The following NFAT5 variants were observed in gnomAD, a reference collection of about 807,000 sequenced individuals.
NFAT5 encodes nuclear factor of activated T cells 5, also known as nuclear factor of activated T-cells 5.
In NFAT5, 31 loss-of-function variants were observed where a neutral mutation model predicts 166.5. That is an observed-to-expected ratio of 0.19 (90% confidence interval 0.14 to 0.25). The LOEUF (loss-of-function observed/expected upper bound fraction) is 0.25. NFAT5 is among the 10% of genes least tolerant of loss of function. The pLI, the probability that NFAT5 is intolerant of heterozygous loss-of-function variation, is 1.00. For missense variants in NFAT5, 1,449 were observed against 1,821.8 expected, an observed-to-expected ratio of 0.80 and a Z score of 3.72; for synonymous variants, 612 against 639.7, an observed-to-expected ratio of 0.96 and a Z score of 0.65.
At chr16:69,589,561 C>G (rs1368777534) in intron 2 of NFAT5, among the ~76,000 whole-genome samples, 2 of 151,990 alleles carry the variant, frequency 1.3e-5, no homozygotes, top group Admixed American at 6.6e-5. Flanking sequence ...GCAGTTAAAA[C>G]AGCTGGGAAT....
chr16:69,684,710 C>T (rs567205188), intron 10 of NFAT5, among the ~76,000 whole-genome samples, 177 bp from the exon 11 acceptor site: 2 of 152,192 alleles, frequency 1.3e-5, no homozygotes, highest in South Asian at 4.1e-4. Flanking sequence ...TGATCACATG[C>T]TCCGCCCACT....
At chr16:69,599,755 A>G (rs1414697279) in intron 2 of NFAT5, among the ~76,000 whole-genome samples, 1 of 152,160 alleles carries the variant, frequency 6.6e-6, no homozygotes, top group African/African-American at 2.4e-5. Flanking sequence ...AGGTGGAGGA[A>G]AGGCAAGTAC....
At chr16:69,653,551 G>T in intron 5 of NFAT5, 123 bp downstream of exon 5, 1 of 593,238 alleles carries the variant, frequency 1.7e-6, no homozygotes, top group South Asian at 3.3e-5. Flanking sequence ...ATTTGAATTA[G>T]ATTCATCCCA....
At position 69,647,440 on chromosome 16, in the gene NFAT5, A is replaced by G. The variant is rs1186884192; in HGVS notation, c.666A>G (p.Arg222=). The G allele has an allele frequency of 4.3e-6, 7 of 1,614,064 alleles. No individual in the cohort carries two copies. In the South Asian group the frequency reaches 5.5e-5, roughly 13 times the overall value. The change falls in exon 4 of 15, where the codon CGA becomes CGG. Residue 222 remains arginine, a synonymous_variant. Transcript: ENST00000349945. The surrounding 1 kb of genome is among the most constrained non-coding windows in gnomAD (Gnocchi z 4.8). ...NTEVPRKSRK[R]NPKQRPGVKR... ...AGGTACCTCGTAAATCACGAAAACGAAATCCAAAGCAGAGGCCGGGGGTCA... is the reference window on the plus strand; with the variant it reads ...AGGTACCTCGTAAATCACGAAAACGGAATCCAAAGCAGAGGCCGGGGGTCA...
chr16:69,649,177 C>T (rs1282592754), intron 4 of NFAT5: 3 of 946,952 alleles, frequency 3.2e-6, no homozygotes, highest in Middle Eastern at 5.4e-4. Context: ...CAGGTAAATA[C>T]TTAAGTAACT....
chr16:69,689,681 T>C (rs1435827489), intron 11 of NFAT5, among the ~76,000 whole-genome samples: 1 of 152,164 alleles, frequency 6.6e-6, no homozygotes, highest in Admixed American at 6.5e-5. Context: ...GTAGCTGGGA[T>C]TTACAGGCAT....
intron 11 of NFAT5, among the ~76,000 whole-genome samples, chr16:69,688,202 C>CAAAAAAAAAAAAAAAAAAAAAAAA (rs1188158260): frequency 1.0e-4 from 5 of 49,508 alleles, no homozygotes; most frequent in Non-Finnish European, 1.3e-4. Context: ...GACTCCGTCT[C>CAAAAAAAAAAAAAAAAAAAAAAAA]AAAAAAAAAA....
intron 9 of NFAT5, among the ~76,000 whole-genome samples, chr16:69,671,823 T>C (rs1330779820): frequency 6.6e-6 from 1 of 152,150 alleles, no homozygotes; most frequent in Non-Finnish European, 1.5e-5. Context: ...ATGATAACAA[T>C]ATGCAGAGAA....
chr16:69,568,530 A>C lies in NFAT5; in HGVS notation c.109A>C (p.Arg37=), dbSNP rs2016251091. 1 of 1,613,194 alleles carries C rather than the reference A, an allele frequency of 6.2e-7. No homozygotes were observed. Among genetic ancestry groups the C allele is most frequent in the African/African-American group, 1.3e-5 (1 of 74,888 alleles). ...GTTACACCCATCACAGAATTTTCATAGAGCTGGACTATTGGAAGGTCAGCA... is the reference window on the plus strand; with the variant it reads ...GTTACACCCATCACAGAATTTTCATCGAGCTGGACTATTGGAAGGTCAGCA... ...LKLHPSQNFH[R]AGLLEESVYD... The change falls in exon 2 of 15, where the codon AGA becomes CGA. Residue 37 remains arginine, a synonymous_variant. Transcript: ENST00000349945.
At chr16:69,576,885 A>G (rs1371507308) in intron 2 of NFAT5, among the ~76,000 whole-genome samples, 1 of 152,214 alleles carries the variant, frequency 6.6e-6, no homozygotes, top group Non-Finnish European at 1.5e-5. Context: ...AAGGGGAATT[A>G]CTTTAGAAAT....
At chr16:69,632,924 A>C (rs1268933796) in intron 3 of NFAT5, among the ~76,000 whole-genome samples, 1 of 152,216 alleles carries the variant, frequency 6.6e-6, no homozygotes, top group Non-Finnish European at 1.5e-5. Context: ...AAGCAGATTT[A>C]AAAATCTCTA....
rs555432260 is a variant in NFAT5, at chr16:69,571,849, T to C, written c.127+3301T>C. Among the ~76,000 whole-genome samples, 18 of 152,214 alleles carry C rather than the reference T, an allele frequency of 1.2e-4. No individual in the cohort carries two copies. In the South Asian group the frequency reaches 3.7e-3, roughly 32 times the overall value. ...ATCTCGGCTCACTGCAAGCTCCACC[T>C]CCTGGGTTCACGCCATTCTCCTGCC... On this transcript the variant is annotated intron_variant, in intron 2 of 14. Transcript: ENST00000349945.
At chr16:69,665,203 G>A (rs1470947117) in intron 7 of NFAT5, among the ~76,000 whole-genome samples, 4 of 151,940 alleles carry the variant, frequency 2.6e-5, no homozygotes, top group Non-Finnish European at 1.5e-5. Context: ...CAAACCCACA[G>A]CCAATATCAT....
At chr16:69,688,973 C>A (rs2037441578) in intron 11 of NFAT5, among the ~76,000 whole-genome samples, 1 of 152,186 alleles carries the variant, frequency 6.6e-6, no homozygotes, top group Non-Finnish European at 1.5e-5. Flanking sequence ...AGTTTTGTCT[C>A]AGTCAAAATT....
At chr16:69,613,686 C>A (rs917747312) in intron 2 of NFAT5, among the ~76,000 whole-genome samples, 1 of 152,188 alleles carries the variant, frequency 6.6e-6, no homozygotes, top group African/African-American at 2.4e-5. Flanking sequence ...TTCTCAGATC[C>A]TCCACAGATA....
intron 2 of NFAT5, among the ~76,000 whole-genome samples, chr16:69,611,003 T>C (rs1166755945): frequency 6.6e-6 from 1 of 152,196 alleles, no homozygotes; most frequent in Non-Finnish European, 1.5e-5. Context: ...TGTGTACCTA[T>C]GCACACGAAA....
In NFAT5 at chr16:69,641,277, C is replaced by CAAA. The variant is rs60281310; in HGVS notation, c.254-5730_254-5728dup. 2.3e-4 allele frequency among the ~76,000 whole-genome samples: 17 copies of CAAA among 72,840 alleles called. 1 individual carries two copies. The highest frequency in any genetic ancestry group is 6.9e-4 in the East Asian group (2 of 2,906). The allele number at this position is 72,840 out of a possible 152,430, so 47.8% of individuals were successfully genotyped here. ...TGGGCAACAGAGTGAGACTCCGTCT[C>CAAA]AAAAAAAAAAAAAAAAAAAAAAAGG... On this transcript the variant is annotated intron_variant, in intron 3 of 14. Coordinates refer to ENST00000349945, the MANE Select transcript of NFAT5 (RefSeq NM_138713.4).
intron 2 of NFAT5, among the ~76,000 whole-genome samples, chr16:69,606,002 C>T (rs1285692014): frequency 7.9e-5 from 12 of 152,214 alleles, no homozygotes; most frequent in African/African-American, 2.7e-4. Flanking sequence ...CATGAGCCAC[C>T]GCGCCCGGCC....
intron 2 of NFAT5, among the ~76,000 whole-genome samples, chr16:69,624,512 C>CCT (rs2034357422): frequency 2.0e-5 from 3 of 152,084 alleles, no homozygotes; most frequent in Admixed American, 6.6e-5. Context: ...GCCCAGGTAA[C>CCT]AGCATTTTTC....
Sources: gnomAD v4.1 joint callset for allele counts (sites outside exome capture counted in the v4.1 genomes callset) on GRCh38, gnomAD v4.1.1 for gene constraint, Gnocchi (gnomAD v3.1) non-coding constraint, MANE v1.5 for transcripts, NCBI Gene and HGNC (gene_info 2026-07-23, HGNC 2026-07-21) for gene names.